The following NAV2 variants were observed in gnomAD, a reference collection of about 807,000 sequenced individuals.
NAV2 encodes the protein neuron navigator 2.
NAV2 carries 54 observed loss-of-function variants against 223.2 expected under a neutral mutation model. The ratio of observed to expected loss-of-function variants is 0.24; its 90% confidence interval spans 0.19 to 0.30. The LOEUF (loss-of-function observed/expected upper bound fraction) is 0.30, where lower values mean the gene tolerates loss of function less well. Ranked by LOEUF, NAV2 falls within the 10% of genes least tolerant of loss-of-function variation. The pLI is 1.00. For synonymous variants in NAV2, 1,279 were observed against 1,239.3 expected, an observed-to-expected ratio of 1.03 and a Z score of -0.67; for missense variants, 2,806 against 3,147.5, an observed-to-expected ratio of 0.89 and a Z score of 2.60.
At chr11:20,071,609 T>G (rs545831422) in intron 22 of NAV2, among the ~76,000 whole-genome samples, 2 of 148,104 alleles carry the variant, frequency 1.4e-5, no homozygotes, top group Non-Finnish European at 3.0e-5. Context: ...TTTCTCCACA[T>G]CCTCTCCAGC....
chr11:19,544,005 ATATACTT>A (rs2044412830), intron 1 of NAV2, among the ~76,000 whole-genome samples: 1 of 152,218 alleles, frequency 6.6e-6, no homozygotes, highest in Non-Finnish European at 1.5e-5. Context: ...GCTTGTGAAT[ATATACTT>A]ACTACAACAT....
intron 6 of NAV2, among the ~76,000 whole-genome samples, chr11:19,894,840 C>T (rs1051332603): frequency 2.6e-5 from 4 of 152,208 alleles, no homozygotes; most frequent in African/African-American, 9.6e-5. Flanking sequence ...AAGCGATTCT[C>T]CTGCCTCAGC....
chr11:20,003,665 G>A (rs1419894829), intron 11 of NAV2, among the ~76,000 whole-genome samples: 1 of 152,138 alleles, frequency 6.6e-6, no homozygotes, highest in East Asian at 1.9e-4. Context: ...CAGGAAGGAA[G>A]CAACTGGACC....
At chr11:19,419,116 G>A (rs1169550344) in intron 1 of NAV2, among the ~76,000 whole-genome samples, 1 of 152,132 alleles carries the variant, frequency 6.6e-6, no homozygotes, top group Non-Finnish European at 1.5e-5. Context: ...GTGGCACTGG[G>A]GGGCTGGCAC....
chr11:19,749,991 C>T (rs577871415), intron 1 of NAV2, among the ~76,000 whole-genome samples: 5 of 152,216 alleles, frequency 3.3e-5, no homozygotes, highest in Non-Finnish European at 5.9e-5. Context: ...AAATTATACT[C>T]TGATGTACTT....
intron 6 of NAV2, among the ~76,000 whole-genome samples, chr11:19,893,475 C>T (rs553929311): frequency 1.4e-4 from 21 of 152,202 alleles, no homozygotes; most frequent in Admixed American, 1.2e-3. Flanking sequence ...GGAAAGCTGC[C>T]CCCTCACTCC....
intron 19 of NAV2, among the ~76,000 whole-genome samples, chr11:20,056,859 G>A (rs1307292111): frequency 1.3e-5 from 2 of 152,136 alleles, no homozygotes; most frequent in African/African-American, 2.4e-5. Flanking sequence ...ATAGTATTCA[G>A]CTCATGGAAT....
intron 6 of NAV2, among the ~76,000 whole-genome samples, chr11:19,908,213 C>G (rs1287332398): frequency 6.6e-6 from 1 of 152,218 alleles, no homozygotes; most frequent in African/African-American, 2.4e-5. Context: ...TGAAGTCTTT[C>G]CAGAGGCTTT....
chr11:19,862,690 T>G (rs957179029), intron 3 of NAV2, among the ~76,000 whole-genome samples: 1 of 152,168 alleles, frequency 6.6e-6, no homozygotes, highest in Admixed American at 6.5e-5. Flanking sequence ...TATGGAGCTG[T>G]GCATCTCCAG....
intron 29 of NAV2, 68 bp from the exon 30 acceptor site, chr11:20,095,604 G>A: frequency 9.0e-7 from 1 of 1,112,996 alleles, no homozygotes; most frequent in Non-Finnish European, 1.4e-6. Context: ...GGCAACCTGA[G>A]TCCTCTGCTG....
chr11:19,991,542 T>G (rs555235826), intron 11 of NAV2, among the ~76,000 whole-genome samples: 1 of 152,330 alleles, frequency 6.6e-6, no homozygotes, highest in Non-Finnish European at 1.5e-5. Flanking sequence ...TTAACCCCTT[T>G]TATTTCTATA....
At chr11:19,625,095 C>T (rs1451338943) in intron 1 of NAV2, among the ~76,000 whole-genome samples, 1 of 152,144 alleles carries the variant, frequency 6.6e-6, no homozygotes, top group Non-Finnish European at 1.5e-5. Flanking sequence ...TCCTAGCTAA[C>T]CGAAACTATA....
chr11:19,539,521 TC>T (rs34002743), intron 1 of NAV2, among the ~76,000 whole-genome samples: 6 of 152,246 alleles, frequency 3.9e-5, no homozygotes, highest in South Asian at 4.1e-4. Context: ...AATTTTTCAC[TC>T]CCTGTTAACA....
chr11:19,361,776 T>G (rs751417498), intron 1 of NAV2, among the ~76,000 whole-genome samples: 4 of 152,180 alleles, frequency 2.6e-5, no homozygotes, highest in Non-Finnish European at 5.9e-5. Flanking sequence ...CACGAAGCCC[T>G]TTGCCTACGG....
chr11:19,771,160 A>G (rs989379530), intron 1 of NAV2, among the ~76,000 whole-genome samples: 1 of 152,178 alleles, frequency 6.6e-6, no homozygotes, highest in Non-Finnish European at 1.5e-5. Flanking sequence ...TGAGTACACA[A>G]AGATGAATAA....
rs149169149 is a variant in NAV2, at chr11:19,589,769, G to A, written c.75+238742G>A. 2.5e-3 allele frequency among the ~76,000 whole-genome samples: 382 copies of A among 152,326 alleles called. 4 individuals are homozygous for A. The highest frequency in any genetic ancestry group is 8.9e-3 in the African/African-American group (368 of 41,568). ...TCCATCTCCTTCAGCTGCTCCCAGCGTGGGAGCACAGATGCTTGGTAACCA... is the reference window on the plus strand; with the variant it reads ...TCCATCTCCTTCAGCTGCTCCCAGCATGGGAGCACAGATGCTTGGTAACCA... On this transcript the variant is annotated intron_variant, in intron 1 of 37. Transcript: ENST00000360655.
intron 6 of NAV2, among the ~76,000 whole-genome samples, chr11:19,902,704 T>C (rs938676652): frequency 6.6e-6 from 1 of 152,188 alleles, no homozygotes; most frequent in Non-Finnish European, 1.5e-5. Flanking sequence ...GGAGAAGTAT[T>C]TACCTTTCTG....
chr11:20,104,115 C>T (rs1158032737), intron 34 of NAV2: 1 of 212,012 alleles, frequency 4.7e-6, no homozygotes, highest in African/African-American at 2.3e-5. Context: ...TGAACATGAG[C>T]AATGACAGCT....
intron 1 of NAV2, among the ~76,000 whole-genome samples, chr11:19,646,432 G>C (rs2047818900): frequency 6.6e-6 from 1 of 152,206 alleles, no homozygotes; most frequent in African/African-American, 2.4e-5. Flanking sequence ...TTGGCAGGCA[G>C]GCTTCCTCAT....
Sources: gnomAD v4.1 joint callset for allele counts (sites outside exome capture counted in the v4.1 genomes callset) on GRCh38, gnomAD v4.1.1 for gene constraint, MANE v1.5 for transcripts, NCBI Gene and HGNC (gene_info 2026-07-23, HGNC 2026-07-21) for gene names.